DLG2: variants seen among roughly 807,000 people sequenced by gnomAD.
The protein encoded by DLG2 is discs large MAGUK scaffold protein 2.
In DLG2, 45 loss-of-function variants were observed where a neutral mutation model predicts 132.5. That is an observed-to-expected ratio of 0.34 (90% CI 0.27 to 0.44). DLG2 has a LOEUF of 0.44. DLG2 is among the 20% of genes least tolerant of loss of function. The probability of loss-of-function intolerance (pLI) is 1.00; values close to 1 mark genes in which losing one functional copy is unlikely to be tolerated. For synonymous variants in DLG2, 424 were observed against 419.6 expected (o/e 1.01, Z -0.13); for missense variants, 1,045 against 1,196.9 (o/e 0.87, Z 1.87).
At chr11:85,603,326 A>G (rs1200126680) in intron 2 of DLG2, among the ~76,000 whole-genome samples, 1 of 152,182 alleles carries the variant, frequency 6.6e-6, no homozygotes, top group Non-Finnish European at 1.5e-5. Flanking sequence ...ACAAATATAA[A>G]TAGTTACTTT....
chr11:84,037,262 T>A (rs573908001), intron 11 of DLG2, among the ~76,000 whole-genome samples: 1 of 152,260 alleles, frequency 6.6e-6, no homozygotes, highest in South Asian at 2.1e-4. Context: ...TATGCACCTT[T>A]TGTTCTAATG....
At chr11:85,480,311 C>T (rs1213767343) in intron 3 of DLG2, among the ~76,000 whole-genome samples, 1 of 152,002 alleles carries the variant, frequency 6.6e-6, no homozygotes, top group Non-Finnish European at 1.5e-5. Context: ...ATTCTAGCTA[C>T]ATTATGATAA....
At chr11:85,214,933 T>C (rs539863122) in intron 4 of DLG2, among the ~76,000 whole-genome samples, 2 of 152,314 alleles carry the variant, frequency 1.3e-5, no homozygotes, top group African/African-American at 4.8e-5. Context: ...AATTGCTCCA[T>C]AATACTTTCA....
intron 10 of DLG2, among the ~76,000 whole-genome samples, chr11:84,090,602 T>G (rs549495223): frequency 1.3e-5 from 2 of 152,248 alleles, no homozygotes; most frequent in South Asian, 4.2e-4. Context: ...CAAAATTACA[T>G]ATGTGAAACC....
chr11:84,139,098 T>A (rs181990991), intron 9 of DLG2, among the ~76,000 whole-genome samples: 86 of 152,116 alleles, frequency 5.7e-4, no homozygotes, highest in African/African-American at 2.0e-3. Context: ...ACAAGAAGAG[T>A]CAAGTCTAGT....
chr11:83,625,090 G>A (rs1004147102), intron 19 of DLG2, among the ~76,000 whole-genome samples: 4 of 152,176 alleles, frequency 2.6e-5, no homozygotes, highest in Non-Finnish European at 4.4e-5. Context: ...TAAGAATTAT[G>A]AGGAAATGAA....
At position 83,532,709 on chromosome 11, in the gene DLG2, C is replaced by T. The variant is rs199771883; in HGVS notation, c.2192G>A (p.Gly731Glu). 2 of 1,612,946 alleles carry T rather than the reference C, an allele frequency of 1.2e-6. No homozygotes were observed. Among genetic ancestry groups the T allele is most frequent in the Non-Finnish European group, 1.7e-6 (2 of 1,179,226 alleles). ...ATGTTTCCATCATTTTGTACCTACCCCTTTCGAATCAATCACTCCAGGTTT... is the reference window on the plus strand; with the variant it reads ...ATGTTTCCATCATTTTGTACCTACCTCTTTCGAATCAATCACTCCAGGTTT... Reference protein sequence around the residue: ...NAKPGVIDSKGSFNDKRKKSF... With the variant: ...NAKPGVIDSKESFNDKRKKSF... Residue 731 changes from glycine to glutamate, a missense_variant and splice_region_variant, in exon 21 of 28, where the codon GGG becomes GAG. By Grantham distance (98) the Gly-to-Glu change is moderately conservative. This residue lies in a region of DLG2 where 398 missense variants were observed against 543.6 expected (regional missense o/e 0.73). Coordinates refer to ENST00000376104, the MANE Select transcript of DLG2 (RefSeq NM_001142699.3).
At chr11:84,287,741 G>GACACACAC (rs373708341) in intron 7 of DLG2, among the ~76,000 whole-genome samples, 9,477 of 139,138 alleles carry the variant, frequency 0.068, 463 homozygotes, top group East Asian at 0.18. Context: ...CTCTCTCTTA[G>GACACACAC]ACACACACAC....
intron 6 of DLG2, among the ~76,000 whole-genome samples, chr11:84,971,508 T>C (rs2054096397): frequency 6.6e-6 from 1 of 152,164 alleles, no homozygotes; most frequent in East Asian, 1.9e-4. Flanking sequence ...TTATGGAAGA[T>C]AGGAGAAAAT....
At chr11:84,224,259 A>G (rs2096958490) in intron 8 of DLG2, among the ~76,000 whole-genome samples, 1 of 152,198 alleles carries the variant, frequency 6.6e-6, no homozygotes, top group Non-Finnish European at 1.5e-5. Flanking sequence ...CATCAGTGAG[A>G]AGCTTAGCCA....
intron 7 of DLG2, among the ~76,000 whole-genome samples, chr11:84,360,736 A>G (rs1053813632): frequency 3.3e-5 from 5 of 151,960 alleles, no homozygotes; most frequent in African/African-American, 1.2e-4. Context: ...TCAGAGAGGT[A>G]CAAGTGTGGA....
intron 11 of DLG2, among the ~76,000 whole-genome samples, chr11:84,040,507 G>A (rs986334509): frequency 9.7e-4 from 147 of 151,932 alleles, no homozygotes; most frequent in African/African-American, 3.4e-3. Flanking sequence ...TTTTTCTCAG[G>A]TTTGTCAAAG....
chr11:84,616,882 G>A (rs890210320), intron 6 of DLG2, among the ~76,000 whole-genome samples: 1 of 151,966 alleles, frequency 6.6e-6, no homozygotes, highest in African/African-American at 2.4e-5. Context: ...TTTCCAATGG[G>A]TAAACTAAAG....
intron 11 of DLG2, among the ~76,000 whole-genome samples, chr11:84,040,839 C>G (rs918109245): frequency 6.6e-6 from 1 of 151,850 alleles, no homozygotes; most frequent in African/African-American, 2.4e-5. Flanking sequence ...GATATTGATT[C>G]TTCCTACGCA....
chr11:85,132,867 T>C, intron 5 of DLG2: 1 of 456,548 alleles, frequency 2.2e-6, no homozygotes, highest in Non-Finnish European at 4.4e-6. Flanking sequence ...AGAAAAGCCT[T>C]TTGGAAATTG....
intron 3 of DLG2, among the ~76,000 whole-genome samples, chr11:85,504,600 G>C (rs1240281934): frequency 1.3e-5 from 2 of 152,182 alleles, no homozygotes; most frequent in Non-Finnish European, 2.9e-5. Context: ...GTACCATGCT[G>C]TTTTGGTTAC....
At chr11:85,376,526 C>A (rs893496615) in intron 3 of DLG2, among the ~76,000 whole-genome samples, 1 of 152,084 alleles carries the variant, frequency 6.6e-6, no homozygotes, top group Non-Finnish European at 1.5e-5. Flanking sequence ...TTAATCTGGG[C>A]AAGAGAGCAG....
intron 6 of DLG2, among the ~76,000 whole-genome samples, chr11:84,844,125 GTGTGTGTGTGTATATATATA>G (rs1175497736): frequency 1.1e-3 from 38 of 34,454 alleles, no homozygotes; most frequent in African/African-American, 2.2e-3. Flanking sequence ...GTGTGTGTGT[GTGTGTGTGTGTATATATATA>G]TATATATATA....
chr11:85,285,313 C>T lies in DLG2; in HGVS notation c.93G>A (p.Glu31=). The change falls in exon 4 of 28, where the codon GAG becomes GAA. Residue 31 remains glutamate, a synonymous_variant. Transcript: ENST00000376104. ...VTLLNSQKSC[E]QKIEEANQVL... is the part of the protein sequence containing the mutation. ...CTTGATTGGCTTCTTCTATCTTCTGCTCACAACTTTTTTGAGAATTTAGCA... is the reference window on the plus strand; with the variant it reads ...CTTGATTGGCTTCTTCTATCTTCTGTTCACAACTTTTTTGAGAATTTAGCA... The T allele has an allele frequency of 2.5e-6, 4 of 1,611,966 alleles. No individual in the cohort carries two copies. The highest frequency in any genetic ancestry group is 1.1e-5 in the South Asian group (1 of 91,004).
Sources: allele counts gnomAD v4.1 joint callset (sites outside exome capture counted in the v4.1 genomes callset), GRCh38; gene constraint gnomAD v4.1.1; regional missense constraint gnomAD v4.1.1; transcripts MANE v1.5; gene names NCBI Gene and HGNC (gene_info 2026-07-23, HGNC 2026-07-21).